DTNA: variants seen among roughly 807,000 people sequenced by gnomAD.
DTNA encodes dystrophin-related protein 3.
Under a neutral mutation model 100.7 loss-of-function variants are expected in DTNA, and 43 were observed. The ratio of observed to expected loss-of-function variants is 0.43; its 90% confidence interval spans 0.33 to 0.55. DTNA has a LOEUF of 0.55. Among genes scored for constraint, DTNA ranks in the 20% least tolerant of loss-of-function variants. The pLI is 0.04. For synonymous variants in DTNA, 349 were observed against 347.9 expected (o/e 1.00, Z -0.04); for missense variants, 798 against 953.9 (o/e 0.84, Z 2.15).
chr18:34,866,035 C>A (rs2096698729), intron 17 of DTNA: 4 of 1,530,380 alleles, frequency 2.6e-6, no homozygotes, highest in South Asian at 1.1e-5. Context: ...CCCCATCTTG[C>A]GTTCCTTCAC....
At chr18:34,838,877 G>C (rs1315906084) in intron 13 of DTNA, 40 bp downstream of exon 13, 1 of 1,566,406 alleles carries the variant, frequency 6.4e-7, no homozygotes, top group Non-Finnish European at 8.8e-7. Context: ...CTTAGAGAGG[G>C]ATACAGTCTG....
chr18:34,715,502 C>G (rs2083854192), intron 1 of DTNA, among the ~76,000 whole-genome samples: 1 of 151,774 alleles, frequency 6.6e-6, no homozygotes. Context: ...TTTAAATAAA[C>G]AATATTTTAT....
intron 1 of DTNA, among the ~76,000 whole-genome samples, chr18:34,597,775 C>T (rs904733292): frequency 3.3e-5 from 5 of 151,474 alleles, no homozygotes; most frequent in African/African-American, 4.9e-5. Flanking sequence ...CACCGCCCCC[C>T]GCCCCCCCAG....
intron 1 of DTNA, among the ~76,000 whole-genome samples, chr18:34,609,245 CTTTTT>C (rs71166019): frequency 7.6e-6 from 1 of 131,332 alleles, no homozygotes. Flanking sequence ...TGCTTTAATT[CTTTTT>C]TTTTTTTTTT....
chr18:34,589,252 T>G (rs1171047988), intron 1 of DTNA, among the ~76,000 whole-genome samples: 1 of 152,070 alleles, frequency 6.6e-6, no homozygotes, highest in African/African-American at 2.4e-5. Context: ...TTGATATATA[T>G]AGTGAGGTGA....
chr18:34,575,965 T>C (rs1402604397), intron 1 of DTNA, among the ~76,000 whole-genome samples: 1 of 152,222 alleles, frequency 6.6e-6, no homozygotes, highest in Admixed American at 6.5e-5. Flanking sequence ...TAATGACCTC[T>C]CTTAAAATGC....
At chr18:34,603,322 A>G (rs923710455) in intron 1 of DTNA, among the ~76,000 whole-genome samples, 1 of 152,156 alleles carries the variant, frequency 6.6e-6, no homozygotes, top group Non-Finnish European at 1.5e-5. Flanking sequence ...ATTGCAGCTC[A>G]TGTAATACTT....
intron 3 of DTNA, among the ~76,000 whole-genome samples, chr18:34,792,287 A>C (rs1218321427): frequency 6.6e-6 from 1 of 152,200 alleles, no homozygotes; most frequent in Non-Finnish European, 1.5e-5. Flanking sequence ...AGTTAAACCT[A>C]GCCTGGGAAA....
In DTNA at chr18:34,889,524, T is replaced by G; in HGVS notation, c.*1790T>G. 1 of 985,432 alleles carries G rather than the reference T, an allele frequency of 1.0e-6. No homozygotes were observed. Among genetic ancestry groups the G allele is most frequent in the Non-Finnish European group, 1.2e-6 (1 of 829,946 alleles). 61.0% of individuals were successfully genotyped at this position (985,432 alleles called of 1,614,324 possible). A position where few individuals can be genotyped will look rare whatever the true frequency, so the allele number is the denominator to read the frequency against. On this transcript the variant is annotated 3_prime_UTR_variant, in exon 23 of 23. Transcript: ENST00000444659. ...TTTGCTTCTGGGGCTGGCAAAAACC[T>G]TCTCTGAACCCACACACCAAGTTCG...
intron 1 of DTNA, among the ~76,000 whole-genome samples, chr18:34,512,674 A>C (rs2041208947): frequency 6.6e-6 from 1 of 152,064 alleles, no homozygotes; most frequent in South Asian, 2.1e-4. Context: ...GTTCTCTGAA[A>C]GGTATATGTG....
At chr18:34,628,609 T>C (rs2057659108) in intron 1 of DTNA, among the ~76,000 whole-genome samples, 1 of 152,240 alleles carries the variant, frequency 6.6e-6, no homozygotes, top group Admixed American at 6.5e-5. Context: ...TCTAGTAACC[T>C]TCTGGCATTT....
rs189295833 is a variant in DTNA, at chr18:34,571,897, A to G, written c.-2+78383A>G. On this transcript the variant is annotated intron_variant, in intron 1 of 19. Transcript: ENST00000283365. ...AGGTATCAAGAAACAATTAAGTTTC[A>G]TATCAGATTTTCTTCCATTAATTTT... Among the ~76,000 whole-genome samples, 31 of 152,326 alleles carry G rather than the reference A, an allele frequency of 2.0e-4. 1 individual carries two copies. The highest frequency in any genetic ancestry group is 1.8e-3 in the Admixed American group (27 of 15,296).
chr18:34,667,524 A>C (rs1350847250), intron 1 of DTNA, among the ~76,000 whole-genome samples: 6 of 151,724 alleles, frequency 4.0e-5, no homozygotes, highest in African/African-American at 7.3e-5. Flanking sequence ...GAATGCTTCC[A>C]GTTTTTGCCC....
Position 34,794,147 on chromosome 18 carries a change from A to T in DTNA, c.259A>T (p.Thr87Ser). The T allele has an allele frequency of 6.2e-7, 1 of 1,614,142 alleles. No individual in the cohort carries two copies. Among genetic ancestry groups the T allele is most frequent in the African/African-American group, 1.3e-5 (1 of 75,042 alleles). ...GTCCCGCTTAGAGGCTGTGCTCTCC[A>T]CTATTTTTTACCAGCTCAACAAACG... Reference protein sequence around the residue: ...NVSRLEAVLSTIFYQLNKRMP... With the variant: ...NVSRLEAVLSSIFYQLNKRMP... Residue 87 changes from threonine (T) to serine (S), a missense_variant, in exon 4 of 23, where the codon ACT becomes TCT. Thr to Ser is a moderately conservative substitution (Grantham distance 58). Coordinates refer to ENST00000444659, the MANE Select transcript of DTNA (RefSeq NM_001386795.1).
chr18:34,570,082 A>G (rs1254165430), intron 1 of DTNA, among the ~76,000 whole-genome samples: 1 of 152,146 alleles, frequency 6.6e-6, no homozygotes, highest in Non-Finnish European at 1.5e-5. Flanking sequence ...CCTTCCTGTA[A>G]ACCTTTCCCT....
At chr18:34,861,442 C>G (rs1458517114) in intron 16 of DTNA, among the ~76,000 whole-genome samples, 2 of 130,966 alleles carry the variant, frequency 1.5e-5, no homozygotes, top group African/African-American at 5.8e-5. Context: ...GCCGAGATCA[C>G]GCCACTGCAC....
chr18:34,601,895 G>A (rs1206858563), intron 1 of DTNA, among the ~76,000 whole-genome samples: 1 of 152,192 alleles, frequency 6.6e-6, no homozygotes, highest in Non-Finnish European at 1.5e-5. Context: ...CCTACAGAAT[G>A]CAGAAAGTAA....
At chr18:34,839,263 C>T (rs932271540) in intron 13 of DTNA, among the ~76,000 whole-genome samples, 8 of 152,090 alleles carry the variant, frequency 5.3e-5, no homozygotes, top group Non-Finnish European at 1.0e-4. Context: ...AGAGAAAATG[C>T]GATGTGATTG....
chr18:34,723,484 A>G (rs2085843111), intron 1 of DTNA, among the ~76,000 whole-genome samples: 1 of 152,232 alleles, frequency 6.6e-6, no homozygotes, highest in Non-Finnish European at 1.5e-5. Context: ...TATATTGTAT[A>G]TCTCTGAAAT....
Sources: gnomAD v4.1 joint callset for allele counts (sites outside exome capture counted in the v4.1 genomes callset) on GRCh38, gnomAD v4.1.1 for gene constraint, MANE v1.5 for transcripts, NCBI Gene and HGNC (gene_info 2026-07-23, HGNC 2026-07-21) for gene names.